Variants in TRIP13 observed in about 807,000 individuals in gnomAD.
TRIP13 encodes the protein pachytene checkpoint protein 2 homolog.
A neutral mutation model predicts 54.4 loss-of-function variants in TRIP13; 25 were observed. That is an observed-to-expected ratio of 0.46 (90% CI 0.33 to 0.64). The LOEUF (loss-of-function observed/expected upper bound fraction) is 0.64. Ranked by LOEUF, TRIP13 falls within the 30% of genes least tolerant of loss-of-function variation. The probability of loss-of-function intolerance (pLI) is 0.02; values close to 1 mark genes in which losing one functional copy is unlikely to be tolerated. For missense variants in TRIP13, 373 were observed against 534.2 expected, an observed-to-expected ratio of 0.70 and a Z score of 2.97; for synonymous variants, 207 against 207.8, an observed-to-expected ratio of 1.00 and a Z score of 0.03.
At position 908,678 on chromosome 5, in the gene TRIP13, G is replaced by T. The variant is rs1754168191; in HGVS notation, c.866+217G>T. ...TAGTGTGTTAAAAATGTAATAGAAGGCCAGGCGCGGTGGCTCACACCTGTA... is the reference window on the plus strand; with the variant it reads ...TAGTGTGTTAAAAATGTAATAGAAGTCCAGGCGCGGTGGCTCACACCTGTA... On this transcript the variant is annotated intron_variant, in intron 9 of 12. Transcript: ENST00000166345. The surrounding 1 kb of genome is among the most constrained non-coding windows in gnomAD (Gnocchi z 5.2). 2.2e-6 allele frequency: 3 copies of T among 1,342,144 alleles called. No individual in the cohort carries two copies. Among genetic ancestry groups the T allele is most frequent in the Non-Finnish European group, 2.9e-6 (3 of 1,038,914 alleles). 83.1% of individuals were successfully genotyped at this position (1,342,144 alleles called of 1,614,324 possible).
intron 10 of TRIP13, 126 bp from the exon 11 acceptor site, chr5:914,339 C>T (rs894228145): frequency 2.5e-5 from 17 of 681,606 alleles, no homozygotes; most frequent in Non-Finnish European, 3.4e-5. Context: ...GAGTCGTCAC[C>T]GTCTGGATTT....
At position 910,758 on chromosome 5, in the gene TRIP13, C is replaced by T. The variant is rs1056226704; in HGVS notation, c.867-1085C>T. On this transcript the variant is annotated intron_variant, in intron 9 of 12. Coordinates refer to ENST00000166345, the MANE Select transcript of TRIP13 (RefSeq NM_004237.4). Reference sequence around the variant, plus strand: ...ATCTCTGGATTGTCAGCCCCTGGGTCGTGATCTGCAGGCCTAGGCCTCCCT... The same window carrying T: ...ATCTCTGGATTGTCAGCCCCTGGGTTGTGATCTGCAGGCCTAGGCCTCCCT... 3.3e-5 allele frequency among the ~76,000 whole-genome samples: 5 copies of T among 152,214 alleles called. No homozygotes were observed. The East Asian group carries it at 7.7e-4, about 23-fold the overall frequency.
At chr5:916,919 C>A in intron 12 of TRIP13, 89 bp from the exon 13 acceptor site, 1 of 1,155,716 alleles carries the variant, frequency 8.7e-7, no homozygotes, top group Non-Finnish European at 1.3e-6. Context: ...GTGCTATCTG[C>A]ACTGTGGGTG....
In TRIP13 at chr5:917,145, A is replaced by G. The variant is rs748325512; in HGVS notation, c.*42A>G. 6.2e-7 allele frequency: 1 copy of G among 1,601,720 alleles called. No individual in the cohort carries two copies. Among genetic ancestry groups the G allele is most frequent in the Non-Finnish European group, 8.5e-7 (1 of 1,170,684 alleles). Reference sequence around the variant, plus strand: ...CTGGTGCTTTTCCCATGGAGAACACACAACCAGTAAGTGAGGTTGCCCCAC... The same window carrying G: ...CTGGTGCTTTTCCCATGGAGAACACGCAACCAGTAAGTGAGGTTGCCCCAC... On this transcript the variant is annotated 3_prime_UTR_variant, in exon 13 of 13. Transcript: ENST00000166345.
chr5:908,278 C>A lies in TRIP13; in HGVS notation c.760-77C>A. 1 of 1,528,462 alleles carries A rather than the reference C, an allele frequency of 6.5e-7. No homozygotes were observed. Among genetic ancestry groups the A allele is most frequent in the South Asian group, 1.1e-5 (1 of 89,204 alleles). The allele number at this position is 1,528,462 out of a possible 1,614,324, so 94.7% of individuals were successfully genotyped here. A position where few individuals can be genotyped will look rare whatever the true frequency, so the allele number is the denominator to read the frequency against. ...CATTCATTCATCTTTTTCACGTGCT[C>A]AGCGGGACGTATCCCCATAGCTGCC... On this transcript the variant is annotated intron_variant, in intron 8 of 12. Coordinates refer to ENST00000166345, the MANE Select transcript of TRIP13 (RefSeq NM_004237.4). This position sits in a 1 kb window ranked among gnomAD's most constrained non-coding sequence, Gnocchi z 5.2.
chr5:893,115 C>A (rs558683340), intron 1 of TRIP13, 25 bp downstream of exon 1: 1 of 1,558,826 alleles, frequency 6.4e-7, no homozygotes, highest in Non-Finnish European at 8.6e-7. Context: ...TCCGACACAT[C>A]CTCTGGGCAC....
rs1053406215 is a variant in TRIP13 at position 913,036 on chromosome 5, C to T, written c.1020+1040C>T. 2.0e-5 allele frequency among the ~76,000 whole-genome samples: 3 copies of T among 152,030 alleles called. No homozygotes were observed. The highest frequency in any genetic ancestry group is 4.4e-5 in the Non-Finnish European group (3 of 67,988). On this transcript the variant is annotated intron_variant, in intron 10 of 12. Coordinates refer to ENST00000166345, the MANE Select transcript of TRIP13 (RefSeq NM_004237.4). This position sits in a 1 kb window ranked among gnomAD's most constrained non-coding sequence, Gnocchi z 4.5. ...CAGCCATGGACCCACTGGGCCTGCC[C>T]GGGTCAGCACTGTCCAGGCATGGTT...
chr5:916,436 GCAGAGCAGATACACTTA>G (rs1754342843), intron 12 of TRIP13, among the ~76,000 whole-genome samples: 1 of 152,220 alleles, frequency 6.6e-6, no homozygotes, highest in African/African-American at 2.4e-5. Context: ...TCAGTGTCTG[GCAGAGCAGATACACTTA>G]CATCTGAGAA....
Position 900,668 on chromosome 5 carries a change from C to T in TRIP13, c.444+119C>T. ...ATGGGTTTTTGGGAGCCCCTGTCTG[C>T]TGGCAGCCCTTGTCCTGGACATCTA... is the stretch of plus-strand genomic sequence containing the variant. On this transcript the variant is annotated intron_variant, in intron 4 of 12. Transcript: ENST00000166345. 1.9e-5 allele frequency: 19 copies of T among 991,424 alleles called. No individual in the cohort carries two copies. The South Asian group carries it at 3.0e-4, about 16-fold the overall frequency. 61.4% of individuals were successfully genotyped at this position (991,424 alleles called of 1,614,324 possible).
intron 1 of TRIP13, chr5:893,853 T>A (rs1173528493): frequency 1.3e-5 from 2 of 153,060 alleles, no homozygotes; most frequent in Non-Finnish European, 2.9e-5. Context: ...CAGAGACACC[T>A]GCACAAAGCC....
chr5:900,817 G>C (rs1275941758), intron 4 of TRIP13, among the ~76,000 whole-genome samples: 1 of 152,158 alleles, frequency 6.6e-6, no homozygotes, highest in African/African-American at 2.4e-5. Context: ...GAGGGAAGGT[G>C]AGCAAGCCTG....
At chr5:901,593 C>T (rs1036507557) in intron 5 of TRIP13, among the ~76,000 whole-genome samples, 162 bp downstream of exon 5, 1 of 151,504 alleles carries the variant, frequency 6.6e-6, no homozygotes. Flanking sequence ...GCTCATGACA[C>T]TTGGGACATT....
At chr5:905,192 A>C (rs370909583) in intron 6 of TRIP13, among the ~76,000 whole-genome samples, 4 of 152,252 alleles carry the variant, frequency 2.6e-5, no homozygotes, top group Admixed American at 2.0e-4. Flanking sequence ...TTAACACTCA[A>C]TTGTGGTCCT....
chr5:901,513 G>A, intron 5 of TRIP13, 82 bp downstream of exon 5: 3 of 1,351,072 alleles, frequency 2.2e-6, no homozygotes, highest in Non-Finnish European at 3.1e-6. Flanking sequence ...TCTGCAAGGA[G>A]TTACGGCTCT....
At chr5:900,878 C>T (rs774121739) in intron 4 of TRIP13, among the ~76,000 whole-genome samples, 4 of 152,178 alleles carry the variant, frequency 2.6e-5, no homozygotes, top group Admixed American at 1.3e-4. Context: ...CCCTCTTCAA[C>T]GGGAAGGGTC....
intron 5 of TRIP13, 138 bp from the exon 6 acceptor site, chr5:904,007 AAGC>A (rs1371518988): frequency 1.5e-6 from 1 of 681,468 alleles, no homozygotes; most frequent in African/African-American, 1.9e-5. Context: ...TTAAGTTTCT[AAGC>A]AGACTTCATT....
Position 892,887 on chromosome 5 carries a change from T to A in TRIP13, c.-112T>A. On this transcript the variant is annotated 5_prime_UTR_variant, in exon 1 of 13. Coordinates refer to ENST00000166345, the MANE Select transcript of TRIP13 (RefSeq NM_004237.4). ...GAGGTGGTGCGCCTCGCGCGGCAGA[T>A]TCGAAGCTAGGGCGGGGCCCGCGGG... 16 of 1,159,890 alleles carry A rather than the reference T, an allele frequency of 1.4e-5. No individual in the cohort carries two copies. Among genetic ancestry groups the A allele is most frequent in the Non-Finnish European group, 1.8e-5 (16 of 873,940 alleles). The allele number at this position is 1,159,890 out of a possible 1,614,324, so 71.8% of individuals were successfully genotyped here.
chr5:895,002 G>A, intron 2 of TRIP13, 50 bp downstream of exon 2: 2 of 1,528,510 alleles, frequency 1.3e-6, no homozygotes, highest in Non-Finnish European at 1.8e-6. Context: ...AATACAAAAG[G>A]TTGTATCATG....
At chr5:906,469 T>A (rs1437124010) in intron 6 of TRIP13, among the ~76,000 whole-genome samples, 1 of 152,164 alleles carries the variant, frequency 6.6e-6, no homozygotes, top group African/African-American at 2.4e-5. Context: ...CAGTAAACGG[T>A]CTCTCTCTTT....
Sources: allele counts gnomAD v4.1 joint callset (sites outside exome capture counted in the v4.1 genomes callset), GRCh38; gene constraint gnomAD v4.1.1; non-coding constraint Gnocchi (gnomAD v3.1); transcripts MANE v1.5; gene names NCBI Gene and HGNC (gene_info 2026-07-23, HGNC 2026-07-21).